CNGB3: variants seen among roughly 807,000 people sequenced by gnomAD.
CNGB3 encodes the protein cyclic nucleotide-gated channel beta-3.
CNGB3 carries 86 observed loss-of-function variants against 92.8 expected under a neutral mutation model. That is an observed-to-expected ratio of 0.93 (90% CI 0.78 to 1.11). The LOEUF (loss-of-function observed/expected upper bound fraction) is 1.11, where lower values mean the gene tolerates loss of function less well. CNGB3 is among the 50% of genes least tolerant of loss of function. The pLI is 0.00. For synonymous variants in CNGB3, 333 were observed against 332.7 expected (o/e 1.00, Z -0.01); for missense variants, 1,026 against 956.8 (o/e 1.07, Z -0.95).
At chr8:86,601,698 A>C (rs902261990) in intron 15 of CNGB3, among the ~76,000 whole-genome samples, 1 of 152,188 alleles carries the variant, frequency 6.6e-6, no homozygotes, top group African/African-American at 2.4e-5. Flanking sequence ...CTAGAGCTTC[A>C]GCGGCATATG....
chr8:86,737,664 G>C lies in CNGB3; in HGVS notation c.211+1991C>G, dbSNP rs118191665. Among the ~76,000 whole-genome samples, 1,344 of 152,194 alleles carry C rather than the reference G, an allele frequency of 8.8e-3. 8 individuals are homozygous for C. Among genetic ancestry groups the C allele is most frequent in the Non-Finnish European group, 0.013 (911 of 67,992 alleles). The stretch of plus-strand genomic sequence containing the variant: ...GTAAATTTTGTGTCACGGGGGTTTG[G>C]TATACAGATTATTTCATCATCAAGG... On this transcript the variant is annotated intron_variant, in intron 2 of 17. Transcript: ENST00000320005.
chr8:86,653,055 G>A (rs1438677027), intron 7 of CNGB3, among the ~76,000 whole-genome samples: 1 of 152,006 alleles, frequency 6.6e-6, no homozygotes, highest in Non-Finnish European at 1.5e-5. Context: ...GATGTCACTA[G>A]GCAATAGGGA....
chr8:86,592,312 A>T (rs1197402978), intron 15 of CNGB3, among the ~76,000 whole-genome samples: 1 of 152,218 alleles, frequency 6.6e-6, no homozygotes, highest in Non-Finnish European at 1.5e-5. Context: ...TGCGTCGCTC[A>T]GGCTGGGAGC....
chr8:86,601,076 T>C (rs1248782945), intron 15 of CNGB3, among the ~76,000 whole-genome samples: 1 of 152,076 alleles, frequency 6.6e-6, no homozygotes, highest in African/African-American at 2.4e-5. Context: ...TTTTAGGGGT[T>C]AAAGATGGCT....
intron 3 of CNGB3, among the ~76,000 whole-genome samples, chr8:86,680,204 G>C (rs1352778895): frequency 6.6e-6 from 1 of 152,232 alleles, no homozygotes; most frequent in Non-Finnish European, 1.5e-5. Flanking sequence ...CGAGATGACA[G>C]AAAAAAATGT....
At chr8:86,695,995 G>A (rs552996565) in intron 3 of CNGB3, among the ~76,000 whole-genome samples, 7 of 152,114 alleles carry the variant, frequency 4.6e-5, no homozygotes, top group African/African-American at 1.7e-4. Context: ...CCTGTGATTT[G>A]ATCTATCTTC....
Position 86,579,337 on chromosome 8 carries a change from G to C in CNGB3, c.1782-85C>G, listed in dbSNP as rs111589548. The C allele has an allele frequency of 2.8e-5, 41 of 1,440,648 alleles. No homozygotes were observed. The African/African-American group carries it at 3.5e-4, about 12-fold the overall frequency. The allele number at this position is 1,440,648 out of a possible 1,614,324, so 89.2% of individuals were successfully genotyped here. A position where few individuals can be genotyped will look rare whatever the true frequency, so the allele number is the denominator to read the frequency against. The stretch of plus-strand genomic sequence containing the variant: ...TTTAAAAAAATAGCAACTATTATAA[G>C]TATTTATACTGCTTCAGAAATCATT... On this transcript the variant is annotated intron_variant, in intron 15 of 17. Coordinates refer to ENST00000320005, the MANE Select transcript of CNGB3 (RefSeq NM_019098.5).
intron 13 of CNGB3, among the ~76,000 whole-genome samples, chr8:86,621,635 C>G (rs547070617): frequency 6.6e-6 from 1 of 152,206 alleles, no homozygotes; most frequent in East Asian, 1.9e-4. Context: ...CCTTCACCCC[C>G]CTTCCCACCC....
Position 86,632,703 on chromosome 8 carries a change from T to C in CNGB3, c.1320+49A>G, listed in dbSNP as rs560801528. The C allele has an allele frequency of 2.5e-6, 4 of 1,591,128 alleles. No individual in the cohort carries two copies. The African/African-American group carries it at 5.4e-5, about 21-fold the overall frequency. ...CATAAAGTTTACAAAGACCTGTTAG[T>C]CTTTCAAAATGACAGCACTGTGTAT... On this transcript the variant is annotated intron_variant, in intron 11 of 17. Coordinates refer to ENST00000320005, the MANE Select transcript of CNGB3 (RefSeq NM_019098.5).
intron 13 of CNGB3, among the ~76,000 whole-genome samples, chr8:86,615,053 A>T (rs1447250104): frequency 6.6e-6 from 1 of 152,210 alleles, no homozygotes; most frequent in African/African-American, 2.4e-5. Context: ...CGGTATAACT[A>T]CTATTTACAT....
chr8:86,636,105 G>A (rs896116426), intron 10 of CNGB3, among the ~76,000 whole-genome samples: 1 of 151,444 alleles, frequency 6.6e-6, no homozygotes, highest in Non-Finnish European at 1.5e-5. Context: ...TGCTTGCTTC[G>A]TCACATATTC....
intron 3 of CNGB3, among the ~76,000 whole-genome samples, chr8:86,685,268 A>T (rs4960988): frequency 0.28 from 42,907 of 151,866 alleles, 6,351 homozygotes; most frequent in East Asian, 0.4. Context: ...ATACCTACTT[A>T]TGCAGAACCT....
intron 3 of CNGB3, among the ~76,000 whole-genome samples, chr8:86,694,038 C>T (rs1824377463): frequency 6.7e-6 from 1 of 148,884 alleles, no homozygotes; most frequent in Admixed American, 6.6e-5. Context: ...CAGAGGCGCC[C>T]CTCACCTCCC....
At chr8:86,683,928 G>C (rs1006947811) in intron 3 of CNGB3, among the ~76,000 whole-genome samples, 1 of 152,268 alleles carries the variant, frequency 6.6e-6, no homozygotes, top group South Asian at 2.1e-4. Flanking sequence ...GGCTGGCAAA[G>C]AGTTCTTAAG....
At chr8:86,591,080 T>G (rs1411452278) in intron 15 of CNGB3, among the ~76,000 whole-genome samples, 2 of 152,080 alleles carry the variant, frequency 1.3e-5, no homozygotes, top group East Asian at 1.9e-4. Flanking sequence ...CTTGCTTCAT[T>G]TCATTCATTT....
chr8:86,713,847 T>TA (rs1000300386), intron 3 of CNGB3, among the ~76,000 whole-genome samples: 22 of 152,106 alleles, frequency 1.4e-4, no homozygotes, highest in Admixed American at 6.6e-5. Flanking sequence ...CTTTCCGACT[T>TA]AAAAAAATAT....
At chr8:86,694,342 G>C (rs189657372) in intron 3 of CNGB3, among the ~76,000 whole-genome samples, 1 of 148,662 alleles carries the variant, frequency 6.7e-6, no homozygotes, top group Non-Finnish European at 1.5e-5. Flanking sequence ...GCGGCTGGCC[G>C]GGCGGGGGGC....
At chr8:86,702,748 T>A (rs1379920760) in intron 3 of CNGB3, among the ~76,000 whole-genome samples, 3 of 152,110 alleles carry the variant, frequency 2.0e-5, no homozygotes, top group Admixed American at 6.5e-5. Context: ...AGTCACTTTT[T>A]TCTAACTTGT....
At chr8:86,625,434 A>G (rs549111307) in intron 13 of CNGB3, among the ~76,000 whole-genome samples, 1 of 152,360 alleles carries the variant, frequency 6.6e-6, no homozygotes, top group East Asian at 1.9e-4. Context: ...TATATGTGAT[A>G]TAATGCACAA....
Sources: gnomAD v4.1 joint callset for allele counts (sites outside exome capture counted in the v4.1 genomes callset) on GRCh38, gnomAD v4.1.1 for gene constraint, MANE v1.5 for transcripts, NCBI Gene and HGNC (gene_info 2026-07-23, HGNC 2026-07-21) for gene names.